Variants in FGF14 observed in about 807,000 individuals in gnomAD.
FGF14 encodes fibroblast growth factor homologous factor 4.
A neutral mutation model predicts 25.5 loss-of-function variants in FGF14; 5 were observed. The observed-to-expected ratio is 0.20, with a 90% CI of 0.10 to 0.41. The LOEUF (loss-of-function observed/expected upper bound fraction) is 0.41. Among genes scored for constraint, FGF14 ranks in the 10% least tolerant of loss-of-function variants. FGF14 has a pLI of 1.00. For missense variants in FGF14, 222 were observed against 320.1 expected (o/e 0.69, Z 2.34); for synonymous variants, 138 against 118.3 (o/e 1.17, Z -1.08).
At position 102,079,438 on chromosome 13, in the gene FGF14, C is replaced by G. The variant is rs151012251; in HGVS notation, c.209-204142G>C. Among the ~76,000 whole-genome samples the G allele has an allele frequency of 2.3e-3, 345 of 152,082 alleles. 2 individuals carry two copies. The highest frequency in any genetic ancestry group is 7.9e-3 in the African/African-American group (327 of 41,488). On this transcript the variant is annotated intron_variant, in intron 1 of 4. Coordinates refer to the FGF14 transcript ENST00000376131. Reference sequence around the variant, plus strand: ...TATTCAATAAATATGTATTTATTTACTTTTATTATTTATTTATTTATCTTT... The same window carrying G: ...TATTCAATAAATATGTATTTATTTAGTTTTATTATTTATTTATTTATCTTT...
intron 1 of FGF14, among the ~76,000 whole-genome samples, chr13:102,279,847 G>A (rs1295423144): frequency 1.3e-5 from 2 of 152,286 alleles, no homozygotes; most frequent in Admixed American, 6.5e-5. Flanking sequence ...AGGCTCCCCT[G>A]GAAAATGCCT....
intron 1 of FGF14, among the ~76,000 whole-genome samples, chr13:102,388,691 G>A (rs564023968): frequency 6.3e-4 from 96 of 152,134 alleles, no homozygotes; most frequent in Non-Finnish European, 1.1e-3. Flanking sequence ...TTCCCATTTC[G>A]AACTAACAGA....
chr13:102,336,170 G>A (rs995504400), intron 1 of FGF14, among the ~76,000 whole-genome samples: 2 of 152,192 alleles, frequency 1.3e-5, no homozygotes, highest in Non-Finnish European at 2.9e-5. Flanking sequence ...TGAAAGCCAA[G>A]ATGGCTGAAG....
At chr13:102,045,479 G>A (rs911939988) in intron 1 of FGF14, among the ~76,000 whole-genome samples, 1 of 152,004 alleles carries the variant, frequency 6.6e-6, no homozygotes, top group Non-Finnish European at 1.5e-5. Flanking sequence ...AAACCATCAG[G>A]ACAACTCATT....
intron 1 of FGF14, among the ~76,000 whole-genome samples, chr13:102,212,084 A>G (rs1292228705): frequency 6.6e-6 from 1 of 152,158 alleles, no homozygotes; most frequent in African/African-American, 2.4e-5. Context: ...GGGAATAAAC[A>G]GATGACCCTG....
chr13:102,103,927 C>T (rs1397906942), intron 1 of FGF14, among the ~76,000 whole-genome samples: 1 of 152,192 alleles, frequency 6.6e-6, no homozygotes, highest in Admixed American at 6.5e-5. Flanking sequence ...GAGGCTGAGG[C>T]TCAGTCTTAT....
intron 3 of FGF14, among the ~76,000 whole-genome samples, chr13:101,727,692 AAATT>A (rs986446162): frequency 4.6e-5 from 7 of 152,140 alleles, no homozygotes; most frequent in Non-Finnish European, 7.4e-5. Context: ...AATAAATAAA[AAATT>A]AATAAGGGTA....
chr13:101,970,478 T>C (rs2037525668), intron 1 of FGF14, among the ~76,000 whole-genome samples: 3 of 152,118 alleles, frequency 2.0e-5, no homozygotes, highest in African/African-American at 7.2e-5. Flanking sequence ...CAGAAAACAA[T>C]ACCCCAAGGC....
chr13:102,040,774 G>C (rs1298290896), intron 1 of FGF14, among the ~76,000 whole-genome samples: 1 of 152,116 alleles, frequency 6.6e-6, no homozygotes. Context: ...TCAATTTGGG[G>C]GTACCTGGGA....
At chr13:101,866,095 C>T (rs997687447) in intron 3 of FGF14, among the ~76,000 whole-genome samples, 1 of 151,868 alleles carries the variant, frequency 6.6e-6, no homozygotes, top group African/African-American at 2.4e-5. Flanking sequence ...AAAATTAATA[C>T]CCATAATATA....
At chr13:102,133,502 G>T (rs2046287474) in intron 1 of FGF14, among the ~76,000 whole-genome samples, 1 of 151,944 alleles carries the variant, frequency 6.6e-6, no homozygotes, top group Non-Finnish European at 1.5e-5. Context: ...CTAAATATAT[G>T]GTAAAGATTT....
intron 3 of FGF14, among the ~76,000 whole-genome samples, chr13:101,747,767 A>G (rs1026933230): frequency 3.9e-5 from 6 of 152,020 alleles, no homozygotes; most frequent in African/African-American, 1.4e-4. Context: ...AGGAATTCAG[A>G]CAACAACAAC....
chr13:101,917,525 T>C (rs1594723162), upstream of FGF14, among the ~76,000 whole-genome samples: 1 of 152,176 alleles, frequency 6.6e-6, no homozygotes, highest in Admixed American at 6.5e-5. Flanking sequence ...TTGGGGCTTC[T>C]CGGTCTTAAC....
At chr13:101,755,982 A>G (rs2037619961) in intron 3 of FGF14, among the ~76,000 whole-genome samples, 1 of 152,202 alleles carries the variant, frequency 6.6e-6, no homozygotes, top group Non-Finnish European at 1.5e-5. Flanking sequence ...CATGAACAAG[A>G]GAGATTGTAA....
intron 1 of FGF14, chr13:102,292,262 A>C (rs2054446838): frequency 7.8e-6 from 1 of 127,548 alleles, no homozygotes; most frequent in African/African-American, 3.2e-5. Context: ...AATATTTCCT[A>C]CCTTATACTC....
At chr13:101,956,591 G>A (rs1032984132) in intron 1 of FGF14, among the ~76,000 whole-genome samples, 3 of 151,924 alleles carry the variant, frequency 2.0e-5, no homozygotes, top group African/African-American at 7.3e-5. Context: ...CAACAATAAC[G>A]ATGGACCTAA....
intron 1 of FGF14, among the ~76,000 whole-genome samples, chr13:102,251,410 A>G (rs796138363): frequency 1.3e-5 from 2 of 152,314 alleles, no homozygotes; most frequent in African/African-American, 4.8e-5. Flanking sequence ...TGGTTCCCCA[A>G]GAACCTTTTC....
At chr13:102,125,272 G>T (rs2045905145) in intron 1 of FGF14, among the ~76,000 whole-genome samples, 2 of 152,012 alleles carry the variant, frequency 1.3e-5, no homozygotes, top group African/African-American at 4.8e-5. Context: ...AAGTAAGAAA[G>T]CTTTTATTGA....
intron 1 of FGF14, among the ~76,000 whole-genome samples, chr13:102,117,455 A>C (rs1367146435): frequency 6.6e-6 from 1 of 152,182 alleles, no homozygotes; most frequent in Non-Finnish European, 1.5e-5. Context: ...GGAAGCCTCA[A>C]CTCGGCTTCG....
Sources: gnomAD v4.1 joint callset for allele counts (sites outside exome capture counted in the v4.1 genomes callset) on GRCh38, gnomAD v4.1.1 for gene constraint, MANE v1.5 for transcripts, NCBI Gene and HGNC (gene_info 2026-07-23, HGNC 2026-07-21) for gene names.